The following RIN2 variants were observed in gnomAD, a reference collection of about 807,000 sequenced individuals.
The protein encoded by RIN2 is Ras and Rab interactor 2, also known as RAB5 interacting protein 2.
RIN2 carries 36 observed loss-of-function variants against 78.0 expected under a neutral mutation model. That is an observed-to-expected ratio of 0.46 (90% CI 0.35 to 0.61). The LOEUF is 0.61. RIN2 is among the 20% of genes least tolerant of loss of function. The pLI is 0.00. For synonymous variants in RIN2, 466 were observed against 466.8 expected (o/e 1.00, Z 0.02); for missense variants, 1,087 against 1,159.7 (o/e 0.94, Z 0.91).
At chr20:19,970,785 G>A (rs2042078940) in intron 7 of RIN2, 53 bp from the exon 8 acceptor site, 1 of 1,364,644 alleles carries the variant, frequency 7.3e-7, no homozygotes, top group East Asian at 2.4e-5. Flanking sequence ...ATAAACACAA[G>A]ATAGAAAGCA....
chr20:19,864,034 T>TC (rs146167207), intron 2 of RIN2, among the ~76,000 whole-genome samples: 2,041 of 152,044 alleles, frequency 0.013, 50 homozygotes, highest in African/African-American at 0.047. Flanking sequence ...AAAAACTTTT[T>TC]TTTTAATGTA....
Position 19,915,090 on chromosome 20 carries a change from C to T in RIN2, c.58-20009C>T, listed in dbSNP as rs1600785832. 5.3e-5 allele frequency among the ~76,000 whole-genome samples: 8 copies of T among 152,290 alleles called. No individual in the cohort carries two copies. The South Asian group carries it at 1.7e-3, about 32-fold the overall frequency. On this transcript the variant is annotated intron_variant, in intron 3 of 12. Coordinates refer to ENST00000255006, the MANE Select transcript of RIN2 (RefSeq NM_018993.4). ...ATGGAGCGAATCCCAGCAGGGATTT[C>T]CTGCTCTGAATTTATAGTAAAAAGA...
chr20:19,812,583 G>A (rs2035637758), intron 2 of RIN2, among the ~76,000 whole-genome samples: 1 of 151,972 alleles, frequency 6.6e-6, no homozygotes, highest in South Asian at 2.1e-4. Context: ...GAGTAGTAAG[G>A]GTTTGGATAA....
chr20:19,981,189 G>T (rs564193229), intron 9 of RIN2, among the ~76,000 whole-genome samples: 4 of 152,166 alleles, frequency 2.6e-5, no homozygotes, highest in African/African-American at 9.7e-5. Context: ...CGACTGACAC[G>T]GTCCCTTGGC....
At chr20:19,811,428 C>G (rs1344436143) in intron 2 of RIN2, among the ~76,000 whole-genome samples, 1 of 152,112 alleles carries the variant, frequency 6.6e-6, no homozygotes, top group African/African-American at 2.4e-5. Context: ...TCTGGCCACC[C>G]ATGCGTGATT....
intron 2 of RIN2, among the ~76,000 whole-genome samples, chr20:19,837,092 C>A (rs2036439043): frequency 6.6e-6 from 1 of 151,758 alleles, no homozygotes; most frequent in African/African-American, 2.4e-5. Context: ...CTGTAATGAT[C>A]CCCATTTTGC....
intron 2 of RIN2, among the ~76,000 whole-genome samples, chr20:19,821,335 C>T (rs1161696017): frequency 6.6e-6 from 1 of 152,154 alleles, no homozygotes; most frequent in African/African-American, 2.4e-5. Flanking sequence ...AAGAGAAACT[C>T]AAATCCTGTA....
At chr20:19,761,765 G>A (rs1376044112) in intron 1 of RIN2, among the ~76,000 whole-genome samples, 3 of 152,162 alleles carry the variant, frequency 2.0e-5, no homozygotes, top group African/African-American at 4.8e-5. Context: ...CCATGCATCC[G>A]ATTAATATGA....
chr20:19,847,164 C>A (rs2036812541), intron 2 of RIN2, among the ~76,000 whole-genome samples: 1 of 152,174 alleles, frequency 6.6e-6, no homozygotes, highest in African/African-American at 2.4e-5. Context: ...TGAAGATCCT[C>A]TTGAGGGATG....
At chr20:19,924,871 C>G (rs2040161944) in intron 3 of RIN2, among the ~76,000 whole-genome samples, 1 of 147,468 alleles carries the variant, frequency 6.8e-6, no homozygotes, top group East Asian at 2.0e-4. Context: ...TTCCAAGTAG[C>G]TGGGATTACA....
At chr20:19,970,998 A>C in intron 8 of RIN2, 69 bp downstream of exon 8, 1 of 1,173,550 alleles carries the variant, frequency 8.5e-7, no homozygotes, top group Non-Finnish European at 1.2e-6. Flanking sequence ...TGGTGGGCTC[A>C]CTGAGGCTAC....
chr20:19,843,895 A>C (rs953047645), intron 2 of RIN2, among the ~76,000 whole-genome samples: 1 of 152,350 alleles, frequency 6.6e-6, no homozygotes, highest in East Asian at 1.9e-4. Context: ...GAAACTACTG[A>C]CTTTATAAAG....
intron 4 of RIN2, among the ~76,000 whole-genome samples, chr20:19,947,790 G>C (rs771836755): frequency 6.6e-6 from 1 of 152,262 alleles, no homozygotes; most frequent in Non-Finnish European, 1.5e-5. Context: ...GGAGAGACAT[G>C]GGCGGAGCCT....
intron 3 of RIN2, among the ~76,000 whole-genome samples, chr20:19,896,573 C>A (rs748233526): frequency 5.9e-5 from 9 of 152,214 alleles, no homozygotes; most frequent in Non-Finnish European, 1.0e-4. Flanking sequence ...TCCACATCCC[C>A]ACAATGTATC....
chr20:19,949,576 TA>T (rs2041232522), intron 4 of RIN2, among the ~76,000 whole-genome samples: 1 of 152,252 alleles, frequency 6.6e-6, no homozygotes. Flanking sequence ...ACTCAGTCAG[TA>T]AGTTTTGTCA....
intron 2 of RIN2, among the ~76,000 whole-genome samples, chr20:19,834,657 T>C (rs1417503387): frequency 1.3e-5 from 2 of 152,240 alleles, no homozygotes; most frequent in Non-Finnish European, 2.9e-5. Flanking sequence ...ACTAGGAAAA[T>C]AGAATGATCT....
In RIN2 at chr20:19,895,373, C is replaced by T. The variant is rs77855948; in HGVS notation, c.57+5715C>T. Reference sequence around the variant, plus strand: ...AGGGTGAATTGTCCGGTCGACAGTTCTAATTTCTTACCGGCATACCTTTGG... The same window carrying T: ...AGGGTGAATTGTCCGGTCGACAGTTTTAATTTCTTACCGGCATACCTTTGG... On this transcript the variant is annotated intron_variant, in intron 3 of 12. Transcript: ENST00000255006. Among the ~76,000 whole-genome samples, 1,102 of 152,262 alleles carry T rather than the reference C, an allele frequency of 7.2e-3. 14 individuals are homozygous for T. Among genetic ancestry groups the T allele is most frequent in the African/African-American group, 0.025 (1,054 of 41,558 alleles).
At chr20:19,791,899 A>C (rs1408705041) in intron 1 of RIN2, among the ~76,000 whole-genome samples, 1 of 152,206 alleles carries the variant, frequency 6.6e-6, no homozygotes, top group African/African-American at 2.4e-5. Flanking sequence ...AACTTACCTA[A>C]AATGTTCATG....
chr20:19,784,974 G>C (rs1167283027), intron 1 of RIN2, among the ~76,000 whole-genome samples: 1 of 152,032 alleles, frequency 6.6e-6, no homozygotes, highest in East Asian at 1.9e-4. Context: ...AAAATAAAGG[G>C]TCCTTCAGAG....
Sources: gnomAD v4.1 joint callset for allele counts (sites outside exome capture counted in the v4.1 genomes callset) on GRCh38, gnomAD v4.1.1 for gene constraint, MANE v1.5 for transcripts, NCBI Gene and HGNC (gene_info 2026-07-23, HGNC 2026-07-21) for gene names.